MMRN1: variants seen among roughly 807,000 people sequenced by gnomAD.
MMRN1 encodes the protein multimerin-1.
Under a neutral mutation model 100.7 loss-of-function variants are expected in MMRN1, and 94 were observed. The ratio of observed to expected loss-of-function variants is 0.93; its 90% CI spans 0.79 to 1.11. The LOEUF is 1.11. Among genes scored for constraint, MMRN1 ranks in the 50% least tolerant of loss-of-function variants. The pLI is 0.00. For missense variants in MMRN1, 1,606 were observed against 1,439.1 expected (o/e 1.12, Z -1.88); for synonymous variants, 575 against 505.0 (o/e 1.14, Z -1.86).
intron 5 of MMRN1, 47 bp downstream of exon 5, chr4:89,928,015 A>G: frequency 7.1e-7 from 1 of 1,405,506 alleles, no homozygotes; most frequent in Non-Finnish European, 9.6e-7. Flanking sequence ...CACAGAAAGC[A>G]AATGATTCAT....
At chr4:89,924,640 C>G (rs150988749) in intron 4 of MMRN1, among the ~76,000 whole-genome samples, 3 of 151,374 alleles carry the variant, frequency 2.0e-5, no homozygotes, top group Non-Finnish European at 4.4e-5. Context: ...GTGAGAAGAT[C>G]GAAAACATCC....
At chr4:89,893,113 T>C (rs1721091472), upstream of MMRN1, among the ~76,000 whole-genome samples, 1 of 152,076 alleles carries the variant, frequency 6.6e-6, no homozygotes, top group Admixed American at 6.6e-5. Flanking sequence ...GTTTGTATTG[T>C]GACAGTTGTG....
intron 3 of MMRN1, among the ~76,000 whole-genome samples, chr4:89,913,596 C>G (rs1301697704): frequency 6.6e-6 from 1 of 151,294 alleles, no homozygotes; most frequent in Admixed American, 6.6e-5. Context: ...TGTCCTGCCA[C>G]TCTCATTTTT....
rs542008148 is a variant in MMRN1 at position 89,899,709 on chromosome 4, G to T, written c.623+4115G>T. ...TTTTTACCAAATCAGTGAATGGCTA[G>T]TTCCATAACTAGAAACCTTGGATAG... On this transcript the variant is annotated intron_variant, in intron 1 of 7. Coordinates refer to ENST00000264790, the MANE Select transcript of MMRN1 (RefSeq NM_007351.3). Among the ~76,000 whole-genome samples the T allele has an allele frequency of 2.3e-4, 35 of 152,172 alleles. No individual in the cohort carries two copies. The South Asian group carries it at 2.5e-3, about 11-fold the overall frequency.
At chr4:89,880,599 A>G (rs1207479555) in intron 1 of MMRN1, among the ~76,000 whole-genome samples, 1 of 152,192 alleles carries the variant, frequency 6.6e-6, no homozygotes, top group Non-Finnish European at 1.5e-5. Flanking sequence ...AAATTCAAGG[A>G]TAGATGAGTC....
intron 1 of MMRN1, among the ~76,000 whole-genome samples, chr4:89,901,154 G>GAA (rs372841987): frequency 0.015 from 1,670 of 112,112 alleles, 42 homozygotes; most frequent in African/African-American, 0.046. Context: ...GGGCTTTTAT[G>GAA]AAAAAAAAAA....
chr4:89,924,239 C>T (rs975509572), intron 4 of MMRN1, among the ~76,000 whole-genome samples: 8 of 152,042 alleles, frequency 5.3e-5, no homozygotes, highest in Admixed American at 1.3e-4. Context: ...TCTGTAACTG[C>T]GAGCAAGTTA....
At chr4:89,922,039 A>C (rs1722103951) in intron 3 of MMRN1, among the ~76,000 whole-genome samples, 1 of 152,164 alleles carries the variant, frequency 6.6e-6, no homozygotes, top group African/African-American at 2.4e-5. Flanking sequence ...GAAGTCTGCA[A>C]ATTAAAGCCA....
Position 89,951,680 on chromosome 4 carries a change from G to C in MMRN1, c.3194G>C (p.Cys1065Ser), listed in dbSNP as rs769576144. 3 of 1,600,894 alleles carry C rather than the reference G, an allele frequency of 1.9e-6. No individual in the cohort carries two copies. The highest frequency in any genetic ancestry group is 2.6e-6 in the Non-Finnish European group (3 of 1,175,676). Residue 1065 changes from cysteine (C) to serine (S), a missense_variant, in exon 7 of 8, where the codon TGT becomes TCT. Coordinates refer to ENST00000264790, the MANE Select transcript of MMRN1 (RefSeq NM_007351.3). ...ATAAATGGAAGAACTAGCTTTACCTGTGCCTGCAGACATCCTTTTACTGGT... is the reference window on the plus strand; with the variant it reads ...ATAAATGGAAGAACTAGCTTTACCTCTGCCTGCAGACATCCTTTTACTGGT... ...TCINGRTSFT[C>S]ACRHPFTGDN...
chr4:89,895,106 T>A lies in MMRN1; in HGVS notation c.135T>A (p.Pro45=). ...SQKTMPSASV[P]PNKIQSLQIL... ...AGACTATGCCTTCTGCTTCAGTTCC[T>A]CCAAATAAAATACAAAGTTTGCAAA... Residue 45 remains proline (P), a synonymous_variant, in exon 1 of 8, where the codon CCT becomes CCA. Coordinates refer to ENST00000264790, the MANE Select transcript of MMRN1 (RefSeq NM_007351.3). 1 of 1,613,824 alleles carries A rather than the reference T, an allele frequency of 6.2e-7. No homozygotes were observed. The highest frequency in any genetic ancestry group is 1.1e-5 in the South Asian group (1 of 91,074).
intron 1 of MMRN1, among the ~76,000 whole-genome samples, chr4:89,904,747 C>T (rs187269408): frequency 6.6e-6 from 1 of 151,702 alleles, no homozygotes; most frequent in East Asian, 1.9e-4. Flanking sequence ...TAATGACGTT[C>T]TCAAATTAGG....
At chr4:89,950,610 T>A (rs1723134699) in intron 6 of MMRN1, among the ~76,000 whole-genome samples, 1 of 152,190 alleles carries the variant, frequency 6.6e-6, no homozygotes, top group Admixed American at 6.5e-5. Context: ...GCTTTAAAAC[T>A]TTTAGTGACC....
chr4:89,948,889 C>T (rs1723072328), intron 6 of MMRN1, among the ~76,000 whole-genome samples: 1 of 152,150 alleles, frequency 6.6e-6, no homozygotes, highest in Non-Finnish European at 1.5e-5. Context: ...AGAAGGCAAG[C>T]TGTGTGCAGT....
At chr4:89,923,088 C>T in intron 3 of MMRN1, 80 bp from the exon 4 acceptor site, 3 of 1,143,418 alleles carry the variant, frequency 2.6e-6, no homozygotes, top group Non-Finnish European at 3.9e-6. Context: ...TGAATGTCAG[C>T]CAAATTATTG....
intron 7 of MMRN1, among the ~76,000 whole-genome samples, chr4:89,952,348 T>C (rs866871687): frequency 6.6e-6 from 1 of 152,162 alleles, no homozygotes; most frequent in Non-Finnish European, 1.5e-5. Flanking sequence ...CAGAAATGTA[T>C]GTGCAGCATA....
chr4:89,952,994 CAG>C lies in MMRN1; in HGVS notation c.3266-1_3266del. The C allele has an allele frequency of 6.4e-7, 1 of 1,550,496 alleles. No individual in the cohort carries two copies. Among genetic ancestry groups the C allele is most frequent in the African/African-American group, 1.4e-5 (1 of 72,018 alleles). On this transcript the variant is annotated splice_acceptor_variant, in intron 7 of 7. Transcript: ENST00000264790. LOFTEE classifies it high-confidence loss of function. Reference sequence around the variant, plus strand: ...TAACTCTTGCCATTTTTTCCTCTAACAGATTTTTCCAAAGGATCTTACAGATA... The same window carrying C: ...TAACTCTTGCCATTTTTTCCTCTAACATTTTTCCAAAGGATCTTACAGATA...
chr4:89,909,422 A>G, intron 2 of MMRN1, 27 bp downstream of exon 2: 1 of 1,606,420 alleles, frequency 6.2e-7, no homozygotes, highest in African/African-American at 1.3e-5. Flanking sequence ...GAAAATAGCC[A>G]CTGTTTTTGC....
At chr4:89,911,832 A>G in intron 2 of MMRN1, 112 bp from the exon 3 acceptor site, 1 of 662,670 alleles carries the variant, frequency 1.5e-6, no homozygotes, top group Non-Finnish European at 2.6e-6. Flanking sequence ...GATACTAAAT[A>G]AATGCTTGTT....
intron 3 of MMRN1, among the ~76,000 whole-genome samples, chr4:89,919,126 T>C (rs1439671163): frequency 2.0e-5 from 3 of 151,738 alleles, no homozygotes; most frequent in Non-Finnish European, 3.0e-5. Flanking sequence ...AGGTAAGTTC[T>C]GTAATACTTT....
Sources: gnomAD v4.1 joint callset for allele counts (sites outside exome capture counted in the v4.1 genomes callset) on GRCh38, gnomAD v4.1.1 for gene constraint, MANE v1.5 for transcripts, NCBI Gene and HGNC (gene_info 2026-07-23, HGNC 2026-07-21) for gene names.